Variants in PITPNM2 observed in about 807,000 individuals in gnomAD.
PITPNM2 encodes phosphatidylinositol transfer protein membrane associated 2, also known as membrane-associated phosphatidylinositol transfer protein 2.
Under a neutral mutation model 132.2 loss-of-function variants are expected in PITPNM2, and 35 were observed. The observed-to-expected ratio is 0.26, with a 90% CI of 0.20 to 0.35. The LOEUF (loss-of-function observed/expected upper bound fraction) is 0.35, where lower values mean the gene tolerates loss of function less well. Among genes scored for constraint, PITPNM2 ranks in the 10% least tolerant of loss-of-function variants. PITPNM2 has a pLI of 1.00. For synonymous variants in PITPNM2, 738 were observed against 799.2 expected (o/e 0.92, Z 1.29); for missense variants, 1,332 against 1,912.0 (o/e 0.70, Z 5.66).
chr12:123,056,939 G>A (rs1052745949), intron 2 of PITPNM2, among the ~76,000 whole-genome samples: 2 of 152,200 alleles, frequency 1.3e-5, no homozygotes, highest in Non-Finnish European at 2.9e-5. Flanking sequence ...ACTGGGAGTA[G>A]AGGCCACCGA....
At chr12:122,989,700 C>G in intron 18 of PITPNM2, 87 bp downstream of exon 18, 2 of 1,249,340 alleles carry the variant, frequency 1.6e-6, no homozygotes, top group Non-Finnish European at 2.1e-6. Flanking sequence ...TAGGCCGAAG[C>G]GGGGGTCTAG....
chr12:123,030,447 A>G (rs1315927899), intron 3 of PITPNM2, among the ~76,000 whole-genome samples: 2 of 152,160 alleles, frequency 1.3e-5, no homozygotes, highest in Non-Finnish European at 2.9e-5. Flanking sequence ...TAATCCCAGC[A>G]CTTTGGGAAG....
Position 123,024,466 on chromosome 12 carries a change from T to A in PITPNM2, c.78+10047A>T, listed in dbSNP as rs115434452. Among the ~76,000 whole-genome samples the A allele has an allele frequency of 3.8e-3, 573 of 152,316 alleles. 4 individuals carry two copies. Among genetic ancestry groups the A allele is most frequent in the African/African-American group, 0.013 (533 of 41,554 alleles). On this transcript the variant is annotated intron_variant, in intron 3 of 25. Transcript: ENST00000320201. Reference sequence around the variant, plus strand: ...AAACATATGTCCACATAAAAACTTATACATGAATATTTATGGCAGCATTAT... The same window carrying A: ...AAACATATGTCCACATAAAAACTTAAACATGAATATTTATGGCAGCATTAT...
Position 123,036,262 on chromosome 12 carries a change from G to A in PITPNM2, c.-95-1577C>T, listed in dbSNP as rs2040264224. Among the ~76,000 whole-genome samples, 1 of 152,208 alleles carries A rather than the reference G, an allele frequency of 6.6e-6. No individual in the cohort carries two copies. The highest frequency in any genetic ancestry group is 1.5e-5 in the Non-Finnish European group (1 of 68,030). On this transcript the variant is annotated intron_variant, in intron 2 of 25. Coordinates refer to ENST00000320201, the MANE Select transcript of PITPNM2 (RefSeq NM_020845.3). The surrounding 1 kb of genome is among the most constrained non-coding windows in gnomAD (Gnocchi z 4.1). ...ACTCTCAGGAATACCAGTAGACAGG[G>A]TTAAAAGAAGTTCTTAAATAAGCCA...
chr12:122,995,571 A>ACTG lies in PITPNM2; in HGVS notation c.1869_1871dup (p.Ser624dup). 6.2e-7 allele frequency: 1 copy of ACTG among 1,606,766 alleles called. No homozygotes were observed. The highest frequency in any genetic ancestry group is 2.2e-5 in the East Asian group (1 of 44,828). The stretch of plus-strand genomic sequence containing the variant: ...AGCCACCACTACTGCCACCACCACC[A>ACTG]CTGCTGCCACCACCGCCACCGCCGC... On this transcript the variant is annotated inframe_insertion, in exon 14 of 26. Transcript: ENST00000320201.
chr12:123,113,713 C>A (rs1215544546), intron 1 of PITPNM2, among the ~76,000 whole-genome samples: 3 of 151,488 alleles, frequency 2.0e-5, no homozygotes, highest in Non-Finnish European at 4.4e-5. Flanking sequence ...CCCAACAAAC[C>A]CCCCCACCCT....
In PITPNM2 at chr12:122,989,925, T is replaced by G; in HGVS notation, c.2593A>C (p.Thr865Pro). The G allele has an allele frequency of 1.5e-6, 2 of 1,314,838 alleles. No homozygotes were observed. Among genetic ancestry groups the G allele is most frequent in the South Asian group, 2.4e-5 (1 of 42,416 alleles). The allele number at this position is 1,314,838 out of a possible 1,614,324, so 81.4% of individuals were successfully genotyped here. ...AQKAPDALSH[T>P]PSVRRLSLLA... Reference sequence around the variant, plus strand: ...AGGGACAGACGCCTGACGCTGGGGGTATGGCTGAGCGCATCGGGGGCCTCT... The same window carrying G: ...AGGGACAGACGCCTGACGCTGGGGGGATGGCTGAGCGCATCGGGGGCCTCT... Residue 865 changes from threonine (T) to proline (P), a missense_variant, in exon 18 of 26, where the codon ACC becomes CCC. Thr to Pro is a conservative substitution (Grantham distance 38). This residue lies in a region of PITPNM2 where 710 missense variants were observed against 911.5 expected (regional missense o/e 0.78). Transcript: ENST00000320201.
rs376737883 is a variant in PITPNM2 at position 123,005,428 on chromosome 12, C to T, written c.764G>A (p.Arg255His). ...ATCCTCATTGAACTGGGCCATCTTA[C>T]GGGAAAGCATGAGCTGTGCCTCCTT... The part of the protein sequence containing the change: ...LEKEAQLMLS[R>H]KMAQFNEDGE... The change falls in exon 7 of 26, where the codon CGT (arginine) becomes CAT (histidine). Residue 255 changes from arginine to histidine, a missense_variant. Coordinates refer to ENST00000320201, the MANE Select transcript of PITPNM2 (RefSeq NM_020845.3). The surrounding 1 kb of genome is among the most constrained non-coding windows in gnomAD (Gnocchi z 6.2). 6.4e-5 allele frequency: 103 copies of T among 1,614,128 alleles called. No homozygotes were observed. The South Asian group carries it at 7.8e-4, about 12-fold the overall frequency.
chr12:123,030,205 C>T (rs976496674), intron 3 of PITPNM2, among the ~76,000 whole-genome samples: 3 of 152,048 alleles, frequency 2.0e-5, no homozygotes, highest in Non-Finnish European at 2.9e-5. Flanking sequence ...ACTAGGGTAG[C>T]ATTTATTTAA....
intron 1 of PITPNM2, among the ~76,000 whole-genome samples, chr12:123,135,988 T>C (rs1566306877): frequency 1.3e-5 from 2 of 152,206 alleles, no homozygotes; most frequent in African/African-American, 4.8e-5. Flanking sequence ...TTTGTTAATT[T>C]CCCATGAACA....
At chr12:123,085,572 T>C (rs56846082) in intron 2 of PITPNM2, among the ~76,000 whole-genome samples, 7,476 of 152,124 alleles carry the variant, frequency 0.049, 614 homozygotes, top group African/African-American at 0.17. Context: ...TAAAAAAAAT[T>C]CTGGAAATGG....
intron 2 of PITPNM2, chr12:123,091,564 T>G (rs919436753): frequency 3.3e-5 from 5 of 152,130 alleles, no homozygotes; most frequent in African/African-American, 1.2e-4. Context: ...GAGACAGAAG[T>G]TGGTATCACC....
At chr12:123,045,262 G>A (rs1318584396) in intron 2 of PITPNM2, among the ~76,000 whole-genome samples, 4 of 151,972 alleles carry the variant, frequency 2.6e-5, no homozygotes, top group Non-Finnish European at 2.9e-5. Flanking sequence ...GCACCATCCC[G>A]CTTCTTTGAT....
intron 1 of PITPNM2, among the ~76,000 whole-genome samples, chr12:123,137,577 G>T (rs890932661): frequency 3.9e-5 from 6 of 152,116 alleles, no homozygotes; most frequent in African/African-American, 1.2e-4. Flanking sequence ...TACCAGGTGG[G>T]TATTGGAACC....
intron 16 of PITPNM2, chr12:122,991,684 T>G: frequency 7.9e-7 from 1 of 1,271,810 alleles, no homozygotes; most frequent in Non-Finnish European, 9.9e-7. Context: ...AGGGCATGGA[T>G]TGGGGGGTGT....
rs968670944 is a variant in PITPNM2 at position 123,141,628 on chromosome 12, C to G, written c.-200+9125G>C. The stretch of plus-strand genomic sequence containing the variant: ...TCTTAAGCACCAGAAAAGCCCATAA[C>G]ACAGAGTCGACGAGGCTGGGTATGG... On this transcript the variant is annotated intron_variant, in intron 1 of 25. Transcript: ENST00000320201. Among the ~76,000 whole-genome samples, 5 of 152,272 alleles carry G rather than the reference C, an allele frequency of 3.3e-5. No homozygotes were observed. The South Asian group carries it at 1.0e-3, about 32-fold the overall frequency.
At chr12:123,134,289 T>A (rs561103975) in intron 1 of PITPNM2, among the ~76,000 whole-genome samples, 18 of 151,592 alleles carry the variant, frequency 1.2e-4, no homozygotes, top group Admixed American at 1.2e-3. Flanking sequence ...GGTCGCGATC[T>A]TCTGACCTTG....
chr12:122,988,666 G>C, intron 19 of PITPNM2, 58 bp downstream of exon 19: 1 of 1,490,210 alleles, frequency 6.7e-7, no homozygotes, highest in Non-Finnish European at 9.0e-7. Context: ...GTGAAATGTG[G>C]CCCTGTCATG....
intron 3 of PITPNM2, among the ~76,000 whole-genome samples, chr12:123,019,235 A>G (rs2039571303): frequency 6.6e-6 from 1 of 152,160 alleles, no homozygotes; most frequent in African/African-American, 2.4e-5. Context: ...GTAGCTGTCA[A>G]GTTATTTCAA....
Sources: gnomAD v4.1 joint callset for allele counts (sites outside exome capture counted in the v4.1 genomes callset) on GRCh38, gnomAD v4.1.1 for gene constraint, gnomAD v4.1.1 regional missense constraint, Gnocchi (gnomAD v3.1) non-coding constraint, MANE v1.5 for transcripts, NCBI Gene and HGNC (gene_info 2026-07-23, HGNC 2026-07-21) for gene names.